Variants in LYST observed in about 807,000 individuals in gnomAD.
The protein encoded by LYST is lysosomal-trafficking regulator.
Under a neutral mutation model 413.6 loss-of-function variants are expected in LYST, and 192 were observed. The observed-to-expected ratio is 0.46, with a 90% CI of 0.41 to 0.52. The LOEUF is 0.52. Ranked by LOEUF, LYST falls within the 20% of genes least tolerant of loss-of-function variation. LYST has a pLI of 0.00. For missense variants in LYST, 3,815 were observed against 4,499.9 expected (o/e 0.85, Z 4.35); for synonymous variants, 1,525 against 1,567.3 (o/e 0.97, Z 0.64).
At chr1:235,689,623 A>G (rs1032455858) in intron 47 of LYST, among the ~76,000 whole-genome samples, 1 of 152,198 alleles carries the variant, frequency 6.6e-6, no homozygotes, top group Non-Finnish European at 1.5e-5. Flanking sequence ...TATTCTTGAA[A>G]TTTGCTAAGA....
intron 34 of LYST, among the ~76,000 whole-genome samples, chr1:235,732,056 GGTT>G (rs1223648059): frequency 6.6e-6 from 1 of 151,646 alleles, no homozygotes; most frequent in South Asian, 2.1e-4. Context: ...TACTGGTAGC[GGTT>G]GTTGTCTTTT....
chr1:235,788,527 GAAT>G (rs1348721965), intron 13 of LYST, among the ~76,000 whole-genome samples, 171 bp downstream of exon 13: 4 of 152,044 alleles, frequency 2.6e-5, no homozygotes, highest in African/African-American at 4.8e-5. Context: ...TTTTTGGATA[GAAT>G]AATACACTAT....
In LYST at chr1:235,702,714, T is replaced by C. The variant is rs17615059; in HGVS notation, c.10374+33A>G. On this transcript the variant is annotated intron_variant, in intron 45 of 52. Coordinates refer to ENST00000389793, the MANE Select transcript of LYST (RefSeq NM_000081.4). ...GGCATCACAAGAGTCTAATCAGGTTTTGCTGCACTCGATTGAAATCCAAAT... is the reference window on the plus strand; with the variant it reads ...GGCATCACAAGAGTCTAATCAGGTTCTGCTGCACTCGATTGAAATCCAAAT... 0.03 allele frequency: 46,267 copies of C among 1,562,692 alleles called. 808 individuals carry two copies. Among genetic ancestry groups the C allele is most frequent in the Non-Finnish European group, 0.035 (39,481 of 1,133,260 alleles).
intron 1 of LYST, among the ~76,000 whole-genome samples, chr1:235,843,008 C>T (rs1034074362): frequency 6.6e-6 from 1 of 152,140 alleles, no homozygotes; most frequent in Admixed American, 6.5e-5. Context: ...AGGGCAGCTC[C>T]TCATATAATG....
At chr1:235,814,725 G>A (rs1397020788) in intron 3 of LYST, among the ~76,000 whole-genome samples, 1 of 151,510 alleles carries the variant, frequency 6.6e-6, no homozygotes, top group Non-Finnish European at 1.5e-5. Flanking sequence ...AGTAAAGACA[G>A]GACATTCAGA....
rs1672864378 is a variant in LYST at position 235,806,604 on chromosome 1, A to G, written c.2532T>C (p.Ile844=). Residue 844 remains isoleucine, a synonymous_variant, in exon 6 of 53, where the codon ATT becomes ATC. Transcript: ENST00000389793. ...ASVPDIDGID[I]EQKELSSVHV... is the part of the protein sequence containing the mutation. ...GTACAGAGGACAACTCCTTCTGTTC[A>G]ATGTCTATCCCATCAATATCTGGAA... is the stretch of plus-strand genomic sequence containing the variant. 1 of 1,614,010 alleles carries G rather than the reference A, an allele frequency of 6.2e-7. No individual in the cohort carries two copies.
At chr1:235,866,316 G>C (rs920041110) in intron 1 of LYST, among the ~76,000 whole-genome samples, 1 of 152,208 alleles carries the variant, frequency 6.6e-6, no homozygotes, top group Admixed American at 6.5e-5. Context: ...GGACCGAGGC[G>C]CACGGTGTAG....
At chr1:235,760,544 G>T (rs1667484560) in intron 22 of LYST, among the ~76,000 whole-genome samples, 1 of 152,132 alleles carries the variant, frequency 6.6e-6, no homozygotes, top group Non-Finnish European at 1.5e-5. Context: ...GCCATTCAAG[G>T]TGTGGTCTGT....
rs550341879 is a variant in LYST at position 235,668,832 on chromosome 1, C to T, written c.11039-4211G>A. Among the ~76,000 whole-genome samples, 14 of 152,282 alleles carry T rather than the reference C, an allele frequency of 9.2e-5. No homozygotes were observed. In the East Asian group the frequency reaches 2.1e-3, roughly 23 times the overall value. On this transcript the variant is annotated intron_variant, in intron 50 of 52. Transcript: ENST00000389793. ...GAAATAAAAAATCATCAATCATTTG[C>T]GCAAACTTGTACTACCAAAGTCAAC...
At chr1:235,792,319 A>T (rs1480210948) in intron 11 of LYST, among the ~76,000 whole-genome samples, 194 bp from the exon 12 acceptor site, 1 of 151,756 alleles carries the variant, frequency 6.6e-6, no homozygotes, top group African/African-American at 2.4e-5. Context: ...AACAGATTTC[A>T]TTCTTTTTTT....
chr1:235,675,958 T>C (rs973378787), intron 50 of LYST, among the ~76,000 whole-genome samples: 1 of 152,192 alleles, frequency 6.6e-6, no homozygotes, highest in Non-Finnish European at 1.5e-5. Flanking sequence ...CTACCCACTA[T>C]GGGTATGTCC....
At chr1:235,791,114 T>C (rs1670929868) in intron 12 of LYST, among the ~76,000 whole-genome samples, 1 of 152,096 alleles carries the variant, frequency 6.6e-6, no homozygotes. Flanking sequence ...TGAAACACCA[T>C]CGCTACTAAA....
At chr1:235,797,308 A>G (rs1032554226) in intron 10 of LYST, among the ~76,000 whole-genome samples, 2 of 152,214 alleles carry the variant, frequency 1.3e-5, no homozygotes. Flanking sequence ...AGGGAAGGGG[A>G]AAAGTAACTT....
intron 30 of LYST, among the ~76,000 whole-genome samples, chr1:235,742,628 A>G (rs1343570677): frequency 6.6e-6 from 1 of 151,590 alleles, no homozygotes; most frequent in African/African-American, 2.4e-5. Context: ...CAACGAAGCT[A>G]AAGTCCTAAG....
chr1:235,784,794 C>T (rs1670244481), intron 14 of LYST, among the ~76,000 whole-genome samples: 2 of 152,144 alleles, frequency 1.3e-5, no homozygotes, highest in African/African-American at 2.4e-5. Flanking sequence ...CCAGCCCCAG[C>T]TCCATCTGAT....
intron 15 of LYST, 25 bp downstream of exon 15, chr1:235,781,900 GCA>G: frequency 6.8e-7 from 1 of 1,460,362 alleles, no homozygotes; most frequent in African/African-American, 1.4e-5. Flanking sequence ...AGGCTGAAGT[GCA>G]GTGGTGCAAT....
intron 3 of LYST, among the ~76,000 whole-genome samples, chr1:235,815,803 G>C (rs937519711): frequency 5.3e-5 from 8 of 152,046 alleles, no homozygotes; most frequent in African/African-American, 1.7e-4. Context: ...AACAAATGGA[G>C]AAACATTCCA....
At chr1:235,816,706 A>G (rs1674145464) in intron 3 of LYST, among the ~76,000 whole-genome samples, 1 of 152,218 alleles carries the variant, frequency 6.6e-6, no homozygotes, top group Admixed American at 6.5e-5. Flanking sequence ...GTACTGGTAC[A>G]AAAACAGACA....
rs368942399 is a variant in LYST at position 235,830,468 on chromosome 1, T to C, written c.-7-44A>G. The C allele has an allele frequency of 1.0e-4, 145 of 1,394,368 alleles. No individual in the cohort carries two copies. In the Middle Eastern group the frequency reaches 1.2e-3, roughly 12 times the overall value. 86.4% of individuals were successfully genotyped at this position (1,394,368 alleles called of 1,614,324 possible). A position where few individuals can be genotyped will look rare whatever the true frequency, so the allele number is the denominator to read the frequency against. On this transcript the variant is annotated intron_variant, in intron 2 of 52. Transcript: ENST00000389793. ...AAAAAAAAAAGATTAGGAAAACAAA[T>C]ACAAATTTACTTTTAAAACTATGTG...
Sources: allele counts gnomAD v4.1 joint callset (sites outside exome capture counted in the v4.1 genomes callset), GRCh38; gene constraint gnomAD v4.1.1; transcripts MANE v1.5; gene names NCBI Gene and HGNC (gene_info 2026-07-23, HGNC 2026-07-21).